Variants in WASF2 observed in about 807,000 individuals in gnomAD.
The protein encoded by WASF2 is WASP family member 2.
A neutral mutation model predicts 45.0 loss-of-function variants in WASF2; 14 were observed. The observed-to-expected ratio is 0.31, with a 90% CI of 0.21 to 0.49. The LOEUF (loss-of-function observed/expected upper bound fraction) is 0.49, where lower values mean the gene tolerates loss of function less well. Among genes scored for constraint, WASF2 ranks in the 20% least tolerant of loss-of-function variants. WASF2 has a pLI of 0.99. For missense variants in WASF2, 439 were observed against 636.1 expected (o/e 0.69, Z 3.33); for synonymous variants, 200 against 236.3 (o/e 0.85, Z 1.41).
intron 1 of WASF2, among the ~76,000 whole-genome samples, chr1:27,443,911 G>A (rs1367882549): frequency 6.6e-6 from 1 of 151,954 alleles, no homozygotes; most frequent in Non-Finnish European, 1.5e-5. Context: ...CTCATGAGTA[G>A]CTGGGATTAC....
At chr1:27,443,370 T>G (rs1424943724) in intron 1 of WASF2, among the ~76,000 whole-genome samples, 1 of 146,932 alleles carries the variant, frequency 6.8e-6, no homozygotes, top group Non-Finnish European at 1.5e-5. Flanking sequence ...TCCCAGCACT[T>G]CGGGAGGCTG....
chr1:27,462,303 A>C (rs749350174), intron 1 of WASF2, among the ~76,000 whole-genome samples: 7 of 152,074 alleles, frequency 4.6e-5, no homozygotes, highest in Non-Finnish European at 1.0e-4. Context: ...ACCATTTGAT[A>C]ATAGGTTGTA....
At chr1:27,408,416 AGAGG>A (rs1200822421) in intron 8 of WASF2, 70 bp from the exon 9 acceptor site, 1 of 1,588,288 alleles carries the variant, frequency 6.3e-7, no homozygotes, top group Non-Finnish European at 8.6e-7. Context: ...GAACTGGGTA[AGAGG>A]GAGTGGCCAC....
Position 27,451,502 on chromosome 1 carries a change from C to T in WASF2, c.-43-22569G>A, listed in dbSNP as rs149409469. On this transcript the variant is annotated intron_variant, in intron 1 of 8. Transcript: ENST00000618852. ...CTGAGGCACAGAGAGCCTTGTATGC[C>T]GGGCTACAGCACTTAACAGAGTGTG... 8.2e-3 allele frequency among the ~76,000 whole-genome samples: 1,255 copies of T among 152,132 alleles called. 8 individuals carry two copies. Among genetic ancestry groups the T allele is most frequent in the Non-Finnish European group, 0.012 (828 of 68,004 alleles).
At chr1:27,420,474 G>A (rs956807090) in intron 2 of WASF2, among the ~76,000 whole-genome samples, 1 of 146,210 alleles carries the variant, frequency 6.8e-6, no homozygotes, top group Non-Finnish European at 1.5e-5. Context: ...TTCTTACTAG[G>A]AATGAAAAGT....
At chr1:27,451,587 A>G (rs934224708) in intron 1 of WASF2, among the ~76,000 whole-genome samples, 2 of 152,342 alleles carry the variant, frequency 1.3e-5, no homozygotes, top group South Asian at 2.1e-4. Context: ...TCAGATTTGC[A>G]TTTAGAAAGC....
At chr1:27,477,840 A>G (rs1414238411) in intron 1 of WASF2, among the ~76,000 whole-genome samples, 1 of 104,048 alleles carries the variant, frequency 9.6e-6, no homozygotes, top group Non-Finnish European at 1.8e-5. Context: ...CGGAGCTTGC[A>G]GTGAGCCGAG....
intron 1 of WASF2, among the ~76,000 whole-genome samples, chr1:27,487,588 A>G (rs1331942696): frequency 3.1e-5 from 3 of 96,886 alleles, no homozygotes; most frequent in Admixed American, 3.3e-4. Context: ...TATTATATAT[A>G]TTTTATATAA....
At chr1:27,478,480 G>A (rs2017801629) in intron 1 of WASF2, among the ~76,000 whole-genome samples, 1 of 152,224 alleles carries the variant, frequency 6.6e-6, no homozygotes, top group Admixed American at 6.5e-5. Context: ...AATTTAATAT[G>A]TGGGGATAGA....
chr1:27,441,776 A>AAT (rs2017235505), intron 1 of WASF2, among the ~76,000 whole-genome samples: 1 of 149,422 alleles, frequency 6.7e-6, no homozygotes, highest in Non-Finnish European at 1.5e-5. Flanking sequence ...AAAAAAAAAA[A>AAT]TTAGCCGGGC....
At chr1:27,433,714 G>A (rs544644729) in intron 1 of WASF2, among the ~76,000 whole-genome samples, 2 of 152,316 alleles carry the variant, frequency 1.3e-5, no homozygotes, top group African/African-American at 4.8e-5. Flanking sequence ...GCAGTTGCAG[G>A]GGTGAGTCCA....
intron 2 of WASF2, among the ~76,000 whole-genome samples, chr1:27,427,828 C>T (rs2017007436): frequency 6.6e-6 from 1 of 152,142 alleles, no homozygotes; most frequent in African/African-American, 2.4e-5. Context: ...GATGCCTTTG[C>T]TAAGGAAGAT....
chr1:27,418,868 T>C, intron 3 of WASF2, 86 bp downstream of exon 3: 1 of 525,584 alleles, frequency 1.9e-6, no homozygotes, highest in Non-Finnish European at 2.7e-6. Flanking sequence ...TCTCCTCACG[T>C]TTTTTTTTTT....
At chr1:27,415,359 T>TTAAAC (rs1479024663) in intron 5 of WASF2, among the ~76,000 whole-genome samples, 1 of 152,094 alleles carries the variant, frequency 6.6e-6, no homozygotes, top group East Asian at 1.9e-4. Flanking sequence ...AGGAAATAGT[T>TTAAAC]TAAACAAAAC....
At chr1:27,477,905 A>T (rs1318510337) in intron 1 of WASF2, among the ~76,000 whole-genome samples, 2 of 101,078 alleles carry the variant, frequency 2.0e-5, no homozygotes, top group Non-Finnish European at 3.6e-5. Context: ...TCTCAAAAAA[A>T]AAAAATAAAT....
At chr1:27,466,372 T>G (rs950965424) in intron 1 of WASF2, among the ~76,000 whole-genome samples, 4 of 152,162 alleles carry the variant, frequency 2.6e-5, no homozygotes, top group African/African-American at 9.7e-5. Flanking sequence ...ATCTGGACAT[T>G]ATGAGCCTCC....
intron 1 of WASF2, among the ~76,000 whole-genome samples, chr1:27,472,796 A>AC (rs1356585330): frequency 1.5e-5 from 2 of 133,978 alleles, no homozygotes; most frequent in East Asian, 2.4e-4. Context: ...CCCCATCTTT[A>AC]CCAAAAAAAA....
At chr1:27,444,193 C>T (rs2017283623) in intron 1 of WASF2, among the ~76,000 whole-genome samples, 1 of 152,174 alleles carries the variant, frequency 6.6e-6, no homozygotes, top group African/African-American at 2.4e-5. Flanking sequence ...AATCCTCCCA[C>T]CTCAGCCTCC....
At chr1:27,457,114 G>C (rs2148128792) in intron 1 of WASF2, 1 of 151,892 alleles carries the variant, frequency 6.6e-6, no homozygotes, top group East Asian at 1.9e-4. Flanking sequence ...CTGAACTCAA[G>C]TGATCCACCT....
Sources: allele counts gnomAD v4.1 joint callset (sites outside exome capture counted in the v4.1 genomes callset), GRCh38; gene constraint gnomAD v4.1.1; transcripts MANE v1.5; gene names NCBI Gene and HGNC (gene_info 2026-07-23, HGNC 2026-07-21).